Variants in CHST9 observed in about 807,000 individuals in gnomAD.
The protein encoded by CHST9 is GalNAc-4-sulfotransferase 2.
A neutral mutation model predicts 44.4 loss-of-function variants in CHST9; 41 were observed. That is an observed-to-expected ratio of 0.92 (90% CI 0.72 to 1.20). CHST9 has a LOEUF of 1.20. Among genes scored for constraint, CHST9 ranks in the 50% most tolerant of loss-of-function variants. CHST9 has a pLI of 0.00. For missense variants in CHST9, 504 were observed against 516.5 expected (o/e 0.98, Z 0.23); for synonymous variants, 171 against 178.4 (o/e 0.96, Z 0.33).
chr18:27,136,312 C>T (rs1007804382), intron 2 of CHST9, among the ~76,000 whole-genome samples: 3 of 152,184 alleles, frequency 2.0e-5, no homozygotes, highest in Non-Finnish European at 2.9e-5. Context: ...CCAGGAAACA[C>T]GTGATGACCT....
At chr18:27,154,819 A>T (rs1486292581) in intron 1 of CHST9, among the ~76,000 whole-genome samples, 2 of 152,052 alleles carry the variant, frequency 1.3e-5, no homozygotes, top group Admixed American at 1.3e-4. Context: ...GTGGTGGTTC[A>T]TGCCTGTAAT....
chr18:27,128,074 A>C (rs1279650199), intron 2 of CHST9, among the ~76,000 whole-genome samples: 1 of 152,186 alleles, frequency 6.6e-6, no homozygotes, highest in Non-Finnish European at 1.5e-5. Context: ...TTAAGGACTC[A>C]TCAATTTATC....
rs1221130361 is a variant in CHST9, at chr18:27,073,734, C to T, written c.122-25231G>A. On this transcript the variant is annotated intron_variant, in intron 2 of 5. Transcript: ENST00000618847. The stretch of plus-strand genomic sequence containing the variant: ...TCTCTGTGGTTCCCCTACTCCCCCG[C>T]AACCCCCTGCAAGAAGCTATTTGTG... 2.0e-5 allele frequency among the ~76,000 whole-genome samples: 3 copies of T among 152,040 alleles called. No homozygotes were observed. In the East Asian group the frequency reaches 5.8e-4, roughly 29 times the overall value.
chr18:27,025,650 A>T (rs896329327), intron 3 of CHST9, among the ~76,000 whole-genome samples: 2 of 152,162 alleles, frequency 1.3e-5, no homozygotes, highest in African/African-American at 2.4e-5. Context: ...GCAGGTATTT[A>T]TGAGTCATAT....
chr18:27,160,803 A>AT (rs201438847), intron 1 of CHST9, among the ~76,000 whole-genome samples: 1,714 of 152,298 alleles, frequency 0.011, 26 homozygotes, highest in African/African-American at 0.036. Flanking sequence ...TTATTGGTCT[A>AT]TTCAGAGATT....
chr18:27,092,349 T>G (rs1023584591), intron 2 of CHST9, among the ~76,000 whole-genome samples: 1 of 152,218 alleles, frequency 6.6e-6, no homozygotes, highest in Non-Finnish European at 1.5e-5. Flanking sequence ...TCTTTATCAG[T>G]CTTGCTAGTG....
At chr18:27,042,665 C>T (rs910108528) in intron 3 of CHST9, among the ~76,000 whole-genome samples, 2 of 152,050 alleles carry the variant, frequency 1.3e-5, no homozygotes, top group Non-Finnish European at 2.9e-5. Flanking sequence ...TTTACATGTT[C>T]ATTTAAAGGC....
intron 2 of CHST9, among the ~76,000 whole-genome samples, chr18:27,112,710 A>G (rs2058283436): frequency 1.3e-5 from 2 of 151,898 alleles, no homozygotes; most frequent in South Asian, 4.1e-4. Flanking sequence ...AAGTCTTGAA[A>G]TAAAACCACC....
intron 4 of CHST9, among the ~76,000 whole-genome samples, chr18:26,991,889 G>T (rs1026137827): frequency 2.3e-5 from 3 of 127,674 alleles, no homozygotes; most frequent in African/African-American, 7.9e-5. Context: ...CTTTGAGAAG[G>T]AATGGACAAG....
At chr18:26,944,133 C>T (rs1305427214) in intron 5 of CHST9, among the ~76,000 whole-genome samples, 196 bp downstream of exon 5, 2 of 152,172 alleles carry the variant, frequency 1.3e-5, no homozygotes, top group Non-Finnish European at 2.9e-5. Flanking sequence ...TTGGGAAGGA[C>T]TTGGCTTGGG....
intron 4 of CHST9, among the ~76,000 whole-genome samples, chr18:27,006,018 T>G (rs958442648): frequency 6.6e-6 from 1 of 152,184 alleles, no homozygotes; most frequent in African/African-American, 2.4e-5. Flanking sequence ...TTATTCAGAA[T>G]TTTTAGCTTC....
intron 2 of CHST9, among the ~76,000 whole-genome samples, chr18:27,072,573 C>T (rs1476831006): frequency 2.0e-5 from 3 of 152,102 alleles, no homozygotes. Context: ...TAAGTTGACA[C>T]TCTGCCTTAC....
At chr18:27,170,805 G>A (rs1024101342) in intron 1 of CHST9, among the ~76,000 whole-genome samples, 3 of 152,102 alleles carry the variant, frequency 2.0e-5, no homozygotes, top group Non-Finnish European at 4.4e-5. Flanking sequence ...AACAAGAATC[G>A]ACACATCTAC....
At chr18:26,970,822 AG>A (rs1165941830) in intron 4 of CHST9, among the ~76,000 whole-genome samples, 1 of 152,210 alleles carries the variant, frequency 6.6e-6, no homozygotes, top group Non-Finnish European at 1.5e-5. Context: ...GCCAGCACAT[AG>A]ACATCCATCA....
intron 4 of CHST9, among the ~76,000 whole-genome samples, chr18:26,993,804 TAAC>T (rs1313196710): frequency 6.6e-6 from 1 of 152,218 alleles, no homozygotes; most frequent in Non-Finnish European, 1.5e-5. Context: ...GATCATAAAA[TAAC>T]AAGTTGTATT....
chr18:26,916,776 G>A lies in CHST9; in HGVS notation c.815C>T (p.Thr272Ile), dbSNP rs1440847335. Residue 272 changes from threonine (T) to isoleucine (I), a missense_variant, in exon 6 of 6, where the codon ACT becomes ATT. Coordinates refer to ENST00000618847, the MANE Select transcript of CHST9 (RefSeq NM_031422.6). ...ACGAACAAACACAGCTTTGGTGTAA[G>A]TATTTAAGCGGGTATATATCCCTTT... ...DLKGIYTRLNTYTKAVFVRDP... is the reference protein window; with the variant it reads ...DLKGIYTRLNIYTKAVFVRDP... 6.2e-7 allele frequency: 1 copy of A among 1,613,874 alleles called. No homozygotes were observed. The highest frequency in any genetic ancestry group is 1.7e-5 in the Admixed American group (1 of 60,000).
intron 3 of CHST9, among the ~76,000 whole-genome samples, chr18:27,031,213 G>C (rs1330317793): frequency 6.6e-6 from 1 of 152,076 alleles, no homozygotes; most frequent in African/African-American, 2.4e-5. Context: ...CTTCAATTCT[G>C]CTTCTTCAAA....
At chr18:27,038,236 T>C (rs140145416) in intron 3 of CHST9, among the ~76,000 whole-genome samples, 3 of 152,308 alleles carry the variant, frequency 2.0e-5, no homozygotes, top group East Asian at 3.9e-4. Flanking sequence ...TACATTTGCA[T>C]TGGGTTAAAT....
intron 2 of CHST9, among the ~76,000 whole-genome samples, chr18:27,141,766 T>C (rs1037362742): frequency 7.6e-5 from 11 of 144,260 alleles, no homozygotes; most frequent in African/African-American, 2.8e-4. Flanking sequence ...AAAAAGAAAA[T>C]GGGCCACAAC....
Sources: gnomAD v4.1 joint callset for allele counts (sites outside exome capture counted in the v4.1 genomes callset) on GRCh38, gnomAD v4.1.1 for gene constraint, MANE v1.5 for transcripts, NCBI Gene and HGNC (gene_info 2026-07-23, HGNC 2026-07-21) for gene names.